Variants in DLEU7 observed in about 807,000 individuals in gnomAD.
DLEU7 encodes the protein leukemia-associated protein 7.
In DLEU7, 17 loss-of-function variants were observed where a neutral mutation model predicts 16.0. The ratio of observed to expected loss-of-function variants is 1.06; its 90% CI spans 0.73 to 1.59. The LOEUF is 1.59. Ranked by LOEUF, DLEU7 falls within the 40% of genes most tolerant of loss-of-function variation. DLEU7 has a pLI of 0.00. For missense variants in DLEU7, 308 were observed against 314.9 expected, an observed-to-expected ratio of 0.98 and a Z score of 0.17; for synonymous variants, 113 against 139.8, an observed-to-expected ratio of 0.81 and a Z score of 1.35.
chr13:50,711,779 G>GGGGCGGGCGGC (rs1555287139), downstream of DLEU7: 4 of 135,778 alleles, frequency 2.9e-5, no homozygotes, highest in African/African-American at 6.2e-5. Context: ...TGGCGGGGGC[G>GGGGCGGGCGGC]GGGGGCATTA....
At chr13:50,797,946 G>A (rs1876147650) in intron 1 of DLEU7, among the ~76,000 whole-genome samples, 1 of 152,110 alleles carries the variant, frequency 6.6e-6, no homozygotes, top group South Asian at 2.1e-4. Flanking sequence ...CCTCTTCTGG[G>A]TCACACTGTT....
At chr13:50,727,644 G>T (rs1276530360) in intron 1 of DLEU7, among the ~76,000 whole-genome samples, 1 of 152,108 alleles carries the variant, frequency 6.6e-6, no homozygotes, top group Non-Finnish European at 1.5e-5. Flanking sequence ...AAGGAATCAC[G>T]TTGGGAATAC....
intron 1 of DLEU7, among the ~76,000 whole-genome samples, chr13:50,764,063 A>C (rs752618389): frequency 3.3e-5 from 5 of 152,200 alleles, no homozygotes; most frequent in Non-Finnish European, 4.4e-5. Context: ...AGTGTACTAG[A>C]ACGCACATGG....
chr13:50,843,331 C>G lies in DLEU7; in HGVS notation c.316G>C (p.Asp106His). The change falls in exon 1 of 2, where the codon GAC becomes CAC. Residue 106 changes from aspartate to histidine, a missense_variant. Coordinates refer to ENST00000504404, the MANE Select transcript of DLEU7 (RefSeq NM_001306135.2). This position sits in a 1 kb window ranked among gnomAD's most constrained non-coding sequence, Gnocchi z 5.7. ...GGAELLPFPR[D>H]RGPCTLAQMA... is the part of the protein sequence containing the mutation. ...TGGGCCAGGGTGCAGGGCCCGCGGT[C>G]CCGGGGGAAGGGCAGCAACTCGGCG... 1 of 1,487,838 alleles carries G rather than the reference C, an allele frequency of 6.7e-7. No individual in the cohort carries two copies. The highest frequency in any genetic ancestry group is 8.9e-7 in the Non-Finnish European group (1 of 1,120,016). The allele number at this position is 1,487,838 out of a possible 1,614,324, so 92.2% of individuals were successfully genotyped here. A position where few individuals can be genotyped will look rare whatever the true frequency, so the allele number is the denominator to read the frequency against.
intron 1 of DLEU7, among the ~76,000 whole-genome samples, chr13:50,834,117 G>A (rs908349153): frequency 6.6e-6 from 1 of 151,886 alleles, no homozygotes; most frequent in African/African-American, 2.4e-5. Context: ...TACCATTCAG[G>A]ACATAGGCAT....
At chr13:50,738,899 G>A (rs1874160336) in intron 1 of DLEU7, among the ~76,000 whole-genome samples, 1 of 151,364 alleles carries the variant, frequency 6.6e-6, no homozygotes, top group African/African-American at 2.4e-5. Flanking sequence ...AGGTGATCTG[G>A]TCCCTTTCTA....
chr13:50,787,855 C>T (rs1366136547), intron 1 of DLEU7, among the ~76,000 whole-genome samples: 1 of 152,148 alleles, frequency 6.6e-6, no homozygotes, highest in Admixed American at 6.6e-5. Context: ...CCACCCAGCT[C>T]AGCGCCTTCC....
chr13:50,757,539 T>G (rs1261469899), intron 1 of DLEU7, among the ~76,000 whole-genome samples: 1 of 152,200 alleles, frequency 6.6e-6, no homozygotes, highest in African/African-American at 2.4e-5. Context: ...AATGCAAAAC[T>G]TGACTTTGTA....
Position 50,787,038 on chromosome 13 carries a change from C to T in DLEU7, c.459+56150G>A, listed in dbSNP as rs1875808380. Among the ~76,000 whole-genome samples the T allele has an allele frequency of 2.6e-5, 4 of 152,250 alleles. No homozygotes were observed. The South Asian group carries it at 8.3e-4, about 32-fold the overall frequency. Reference sequence around the variant, plus strand: ...ATTATTCAAGAAAATCCTTGAGTGGCCTTTTCTCTCCTATGATATTGAAAG... The same window carrying T: ...ATTATTCAAGAAAATCCTTGAGTGGTCTTTTCTCTCCTATGATATTGAAAG... On this transcript the variant is annotated intron_variant, in intron 1 of 1. Coordinates refer to the DLEU7 transcript ENST00000400393.
At chr13:50,788,646 G>A (rs889250590) in intron 1 of DLEU7, among the ~76,000 whole-genome samples, 14 of 152,136 alleles carry the variant, frequency 9.2e-5, no homozygotes, top group African/African-American at 3.4e-4. Context: ...GCCAAGAAAT[G>A]AAAATATTAC....
At chr13:50,827,414 C>T (rs1432314976) in intron 1 of DLEU7, among the ~76,000 whole-genome samples, 2 of 152,092 alleles carry the variant, frequency 1.3e-5, no homozygotes, top group African/African-American at 4.8e-5. Flanking sequence ...CACAGTGGCT[C>T]ATGCCTGTAA....
At chr13:50,744,375 A>T (rs572751050) in intron 1 of DLEU7, among the ~76,000 whole-genome samples, 6 of 152,314 alleles carry the variant, frequency 3.9e-5, no homozygotes, top group Admixed American at 6.5e-5. Flanking sequence ...GCACCTGCTT[A>T]ATGGTTCCTT....
At chr13:50,784,160 T>A (rs1376788955) in intron 1 of DLEU7, among the ~76,000 whole-genome samples, 1 of 152,212 alleles carries the variant, frequency 6.6e-6, no homozygotes, top group Non-Finnish European at 1.5e-5. Context: ...CTTCTGCTTT[T>A]TGGGTTATTG....
At chr13:50,799,259 G>T (rs1238035049) in intron 1 of DLEU7, among the ~76,000 whole-genome samples, 1 of 152,094 alleles carries the variant, frequency 6.6e-6, no homozygotes, top group Non-Finnish European at 1.5e-5. Flanking sequence ...TCACAATCTG[G>T]ACTCACTGCA....
chr13:50,746,916 T>C (rs1273145537), intron 1 of DLEU7, among the ~76,000 whole-genome samples: 1 of 152,002 alleles, frequency 6.6e-6, no homozygotes, highest in Non-Finnish European at 1.5e-5. Flanking sequence ...TACATACATA[T>C]TGTTATGTAA....
At chr13:50,746,065 A>G (rs1226798025) in intron 1 of DLEU7, among the ~76,000 whole-genome samples, 2 of 152,134 alleles carry the variant, frequency 1.3e-5, no homozygotes, top group Admixed American at 6.5e-5. Flanking sequence ...CTTATTACTG[A>G]TCTGTCTGCT....
chr13:50,792,430 A>G (rs1875984835), intron 1 of DLEU7, among the ~76,000 whole-genome samples: 2 of 152,276 alleles, frequency 1.3e-5, no homozygotes, highest in East Asian at 3.9e-4. Context: ...CCCCAATGCA[A>G]CTTCCCTTTA....
At chr13:50,838,193 C>T (rs1473973059) in intron 1 of DLEU7, among the ~76,000 whole-genome samples, 1 of 152,156 alleles carries the variant, frequency 6.6e-6, no homozygotes, top group Admixed American at 6.5e-5. Context: ...GCTGCTCTTG[C>T]ACCACAGAAT....
intron 1 of DLEU7, among the ~76,000 whole-genome samples, chr13:50,736,180 A>G (rs188436286): frequency 4.6e-5 from 7 of 152,330 alleles, no homozygotes; most frequent in Admixed American, 1.3e-4. Flanking sequence ...CTATGCAGCC[A>G]TAGTAAAAGA....
Sources: gnomAD v4.1 joint callset for allele counts (sites outside exome capture counted in the v4.1 genomes callset) on GRCh38, gnomAD v4.1.1 for gene constraint, Gnocchi (gnomAD v3.1) non-coding constraint, MANE v1.5 for transcripts, NCBI Gene and HGNC (gene_info 2026-07-23, HGNC 2026-07-21) for gene names.